The following PRKG2 variants were observed in gnomAD, a reference collection of about 807,000 sequenced individuals.
The protein encoded by PRKG2 is cGMP-dependent protein kinase 2.
A neutral mutation model predicts 97.2 loss-of-function variants in PRKG2; 33 were observed. That is an observed-to-expected ratio of 0.34 (90% CI 0.26 to 0.45). PRKG2 has a LOEUF of 0.45. PRKG2 is among the 20% of genes least tolerant of loss of function. The probability of loss-of-function intolerance (pLI) is 1.00; values close to 1 mark genes in which losing one functional copy is unlikely to be tolerated. For synonymous variants in PRKG2, 330 were observed against 321.8 expected (o/e 1.03, Z -0.27); for missense variants, 638 against 900.0 (o/e 0.71, Z 3.73).
intron 16 of PRKG2, 139 bp downstream of exon 16, chr4:81,105,674 T>C: frequency 3.2e-6 from 4 of 1,237,396 alleles, no homozygotes; most frequent in Non-Finnish European, 4.4e-6. Context: ...AAACAGAAAA[T>C]GACTTCCTTC....
At position 81,188,387 on chromosome 4, in the gene PRKG2, G is replaced by C. The variant is rs549750525; in HGVS notation, c.462-13428C>G. Among the ~76,000 whole-genome samples, 1,228 of 146,752 alleles carry C rather than the reference G, an allele frequency of 8.4e-3. 26 individuals carry two copies. The highest frequency in any genetic ancestry group is 0.031 in the African/African-American group (1,149 of 36,730). On this transcript the variant is annotated intron_variant, in intron 2 of 18. Transcript: ENST00000264399. ...GTCAGGAAACAACAGGTGCTGGAGAGGATGTGGAGAAATAGGAACACTTTG... is the reference window on the plus strand; with the variant it reads ...GTCAGGAAACAACAGGTGCTGGAGACGATGTGGAGAAATAGGAACACTTTG...
chr4:81,159,661 T>C (rs1749434908), intron 6 of PRKG2, among the ~76,000 whole-genome samples: 1 of 152,086 alleles, frequency 6.6e-6, no homozygotes, highest in African/African-American at 2.4e-5. Flanking sequence ...CATGCACACG[T>C]ATGTTTATTG....
chr4:81,188,433 A>T (rs1205458819), intron 2 of PRKG2, among the ~76,000 whole-genome samples: 3 of 143,806 alleles, frequency 2.1e-5, no homozygotes, highest in African/African-American at 5.8e-5. Context: ...TGGGACTGTA[A>T]ACTAGTTCAA....
chr4:81,150,329 T>C (rs1439806291), intron 8 of PRKG2, among the ~76,000 whole-genome samples: 1 of 152,160 alleles, frequency 6.6e-6, no homozygotes, highest in African/African-American at 2.4e-5. Flanking sequence ...TCTTCCATAG[T>C]AACTGTGTAA....
At chr4:81,169,846 T>G (rs969781621) in intron 4 of PRKG2, 78 bp from the exon 5 acceptor site, 1 of 887,130 alleles carries the variant, frequency 1.1e-6, no homozygotes, top group African/African-American at 1.7e-5. Flanking sequence ...TCGATGGATT[T>G]GTTATATGTT....
chr4:81,140,491 G>A (rs1747171283), intron 12 of PRKG2, 42 bp downstream of exon 12: 1 of 1,492,836 alleles, frequency 6.7e-7, no homozygotes, highest in East Asian at 2.3e-5. Context: ...TAAATAAAGA[G>A]CCTGAAAATC....
At chr4:81,216,891 TTGTGTGTG>T (rs68179456), upstream of PRKG2, among the ~76,000 whole-genome samples, 4,018 of 131,462 alleles carry the variant, frequency 0.031, 247 homozygotes, top group African/African-American at 0.11. Flanking sequence ...TAGTATTCCA[TTGTGTGTG>T]TGTGTGTGTG....
chr4:81,200,594 G>C (rs188799069), intron 2 of PRKG2, among the ~76,000 whole-genome samples: 1 of 152,118 alleles, frequency 6.6e-6, no homozygotes, highest in East Asian at 1.9e-4. Context: ...GACTTAAGAC[G>C]AAAAGAACTG....
intron 14 of PRKG2, among the ~76,000 whole-genome samples, chr4:81,126,719 G>GT (rs35401940): frequency 2.3e-4 from 35 of 150,116 alleles, no homozygotes; most frequent in South Asian, 6.3e-4. Context: ...CTTTTTGATG[G>GT]TTTTTTTTTC....
chr4:81,137,521 C>G (rs1355663437), intron 12 of PRKG2, 39 bp from the exon 13 acceptor site: 1 of 1,529,722 alleles, frequency 6.5e-7, no homozygotes. Context: ...TATTGGAAAT[C>G]TAGTTTAAAA....
At chr4:81,201,007 T>C (rs1753275239) in intron 2 of PRKG2, among the ~76,000 whole-genome samples, 1 of 152,032 alleles carries the variant, frequency 6.6e-6, no homozygotes, top group African/African-American at 2.4e-5. Context: ...TGTGCCCACC[T>C]CAATCTCACA....
intron 14 of PRKG2, among the ~76,000 whole-genome samples, chr4:81,118,394 C>T (rs971531934): frequency 2.0e-5 from 3 of 152,172 alleles, no homozygotes; most frequent in Admixed American, 6.5e-5. Context: ...AGGTATGAGT[C>T]GTTATGCAAG....
chr4:81,161,576 A>G (rs1209086793), intron 6 of PRKG2, among the ~76,000 whole-genome samples: 1 of 152,164 alleles, frequency 6.6e-6, no homozygotes, highest in Non-Finnish European at 1.5e-5. Context: ...AAGGTCATTC[A>G]GGTTGCTGGA....
At chr4:81,141,657 C>T (rs1301806415) in intron 11 of PRKG2, among the ~76,000 whole-genome samples, 1 of 152,110 alleles carries the variant, frequency 6.6e-6, no homozygotes, top group African/African-American at 2.4e-5. Flanking sequence ...CCATATTTTG[C>T]TCATGTTTGC....
chr4:81,139,452 A>G (rs1042137725), intron 12 of PRKG2, among the ~76,000 whole-genome samples: 3 of 152,024 alleles, frequency 2.0e-5, no homozygotes, highest in Admixed American at 6.6e-5. Flanking sequence ...ATACGCACAC[A>G]CATTTTTGTG....
chr4:81,154,421 C>A (rs1321845656), intron 6 of PRKG2, among the ~76,000 whole-genome samples: 1 of 151,360 alleles, frequency 6.6e-6, no homozygotes, highest in African/African-American at 2.5e-5. Context: ...AGCTGGAGAT[C>A]TGAGAACGGG....
intron 2 of PRKG2, among the ~76,000 whole-genome samples, chr4:81,177,827 A>G (rs1049907960): frequency 2.6e-5 from 4 of 152,058 alleles, no homozygotes; most frequent in Non-Finnish European, 4.4e-5. Flanking sequence ...ATCTATTGGA[A>G]GTATTGAAGA....
chr4:81,213,834 T>G (rs867866684), intron 1 of PRKG2, among the ~76,000 whole-genome samples: 1 of 152,178 alleles, frequency 6.6e-6, no homozygotes, highest in Admixed American at 6.5e-5. Context: ...AATGACTTCA[T>G]AGAACTGGAG....
At chr4:81,110,380 T>G in intron 15 of PRKG2, 68 bp downstream of exon 15, 1 of 1,503,728 alleles carries the variant, frequency 6.7e-7, no homozygotes, top group Non-Finnish European at 9.0e-7. Context: ...TATATACACT[T>G]TATCACTAGT....
Sources: gnomAD v4.1 joint callset for allele counts (sites outside exome capture counted in the v4.1 genomes callset) on GRCh38, gnomAD v4.1.1 for gene constraint, MANE v1.5 for transcripts, NCBI Gene and HGNC (gene_info 2026-07-23, HGNC 2026-07-21) for gene names.